The following PDE2A variants were observed in gnomAD, a reference collection of about 807,000 sequenced individuals.
PDE2A encodes phosphodiesterase 2A.
In PDE2A, 53 loss-of-function variants were observed where a neutral mutation model predicts 133.6. The ratio of observed to expected loss-of-function variants is 0.40; its 90% CI spans 0.32 to 0.50. PDE2A has a LOEUF of 0.50. Ranked by LOEUF, PDE2A falls within the 20% of genes least tolerant of loss-of-function variation. PDE2A has a pLI of 0.73. For synonymous variants in PDE2A, 491 were observed against 490.2 expected (o/e 1.00, Z -0.02); for missense variants, 796 against 1,232.4 (o/e 0.65, Z 5.30).
chr11:72,611,569 T>G (rs1204462590), intron 2 of PDE2A, among the ~76,000 whole-genome samples: 1 of 152,162 alleles, frequency 6.6e-6, no homozygotes, highest in Non-Finnish European at 1.5e-5. Context: ...TGCAGGATAG[T>G]AGCAATAAGG....
intron 16 of PDE2A, 45 bp from the exon 17 acceptor site, chr11:72,584,989 C>G: frequency 6.3e-7 from 1 of 1,584,528 alleles, no homozygotes; most frequent in Non-Finnish European, 8.7e-7. Context: ...ACAACCCCCT[C>G]TGATCGCCCT....
intron 3 of PDE2A, among the ~76,000 whole-genome samples, chr11:72,606,030 T>C (rs1332628828): frequency 6.6e-6 from 1 of 151,932 alleles, no homozygotes; most frequent in African/African-American, 2.4e-5. Flanking sequence ...AGATTTGTAT[T>C]TTGGACCGAT....
chr11:72,622,531 T>G (rs1405618646), intron 2 of PDE2A, among the ~76,000 whole-genome samples: 1 of 152,236 alleles, frequency 6.6e-6, no homozygotes, highest in Non-Finnish European at 1.5e-5. Context: ...GGAAATCCTG[T>G]CACATGCTAC....
intron 6 of PDE2A, among the ~76,000 whole-genome samples, chr11:72,595,992 C>T (rs921334345): frequency 1.3e-5 from 2 of 152,106 alleles, no homozygotes; most frequent in Non-Finnish European, 1.5e-5. Flanking sequence ...CTCCAGAAAG[C>T]CCCCCTAGCT....
At chr11:72,673,139 C>T (rs921030397) in intron 1 of PDE2A, among the ~76,000 whole-genome samples, 3 of 152,122 alleles carry the variant, frequency 2.0e-5, no homozygotes, top group African/African-American at 7.2e-5. Flanking sequence ...CATAAATGCA[C>T]ATGGAACAGA....
At chr11:72,642,398 C>A in intron 1 of PDE2A, 72 bp from the exon 2 acceptor site, 2 of 1,288,850 alleles carry the variant, frequency 1.6e-6, no homozygotes, top group Non-Finnish European at 9.9e-7. Flanking sequence ...CCCGCCCGCC[C>A]GCCGGCCCGG....
chr11:72,634,483 G>T (rs908543559), intron 2 of PDE2A, among the ~76,000 whole-genome samples: 4 of 152,232 alleles, frequency 2.6e-5, no homozygotes, highest in African/African-American at 9.6e-5. Context: ...GCCCCGTTGT[G>T]CTGTGTGACC....
In PDE2A at chr11:72,578,423, C is replaced by T. The variant is rs1855561498; in HGVS notation, c.2508+53G>A. ...AGGCTAGTTCAAGCCCTCCCTGTCCCAGGCCAGGAACCCTCCCCCATCCTG... is the reference window on the plus strand; with the variant it reads ...AGGCTAGTTCAAGCCCTCCCTGTCCTAGGCCAGGAACCCTCCCCCATCCTG... On this transcript the variant is annotated intron_variant, in intron 29 of 30. Coordinates refer to ENST00000334456, the MANE Select transcript of PDE2A (RefSeq NM_002599.5). The surrounding 1 kb of genome is among the most constrained non-coding windows in gnomAD (Gnocchi z 4.2). The T allele has an allele frequency of 1.9e-6, 3 of 1,585,040 alleles. No individual in the cohort carries two copies. The highest frequency in any genetic ancestry group is 1.1e-5 in the South Asian group (1 of 90,518).
At chr11:72,609,220 G>C (rs1194133213) in intron 2 of PDE2A, among the ~76,000 whole-genome samples, 3 of 152,202 alleles carry the variant, frequency 2.0e-5, no homozygotes, top group Admixed American at 1.3e-4. Context: ...GAAGCAGCTG[G>C]GGCTATTGCC....
chr11:72,613,638 G>A (rs577695351), intron 2 of PDE2A, among the ~76,000 whole-genome samples: 5 of 151,868 alleles, frequency 3.3e-5, no homozygotes, highest in South Asian at 4.2e-4. Context: ...TCTCTCTCCT[G>A]CATACTTCCT....
intron 20 of PDE2A, among the ~76,000 whole-genome samples, chr11:72,583,018 C>A (rs1337759927): frequency 1.3e-5 from 2 of 152,210 alleles, no homozygotes; most frequent in East Asian, 3.8e-4. Flanking sequence ...ATACATGGAA[C>A]TAAGCCAGCT....
At chr11:72,665,925 G>A (rs1311696828) in intron 1 of PDE2A, among the ~76,000 whole-genome samples, 2 of 149,434 alleles carry the variant, frequency 1.3e-5, no homozygotes, top group Admixed American at 6.7e-5. Flanking sequence ...AAAAAAACAC[G>A]AAAAAAAAAG....
chr11:72,589,641 C>T, intron 11 of PDE2A, 110 bp downstream of exon 11: 1 of 907,092 alleles, frequency 1.1e-6, no homozygotes. Context: ...ATAATTCCAT[C>T]GGATTCCAAG....
chr11:72,619,051 CG>C (rs1857618253), intron 2 of PDE2A, among the ~76,000 whole-genome samples: 2 of 144,388 alleles, frequency 1.4e-5, no homozygotes, highest in African/African-American at 5.2e-5. Context: ...ACACAGCGTG[CG>C]CACACACACA....
At position 72,589,240 on chromosome 11, in the gene PDE2A, A is replaced by G. The variant is rs1412426034; in HGVS notation, c.874T>C (p.Leu292=). 2.5e-6 allele frequency: 4 copies of G among 1,612,830 alleles called. No individual in the cohort carries two copies. The South Asian group carries it at 3.3e-5, about 13-fold the overall frequency. ...ACCACCTGGCCCAGGCATCCTGTCA[A>G]CTAGGGGGTGAGGAGAGACTGAGTC... The part of the protein sequence containing the change: ...KVLGEEVSFP[L]TGCLGQVVED... The change falls in exon 12 of 31, where the codon TTG becomes CTG. Residue 292 remains leucine, a splice_region_variant and synonymous_variant. Transcript: ENST00000334456.
intron 1 of PDE2A, among the ~76,000 whole-genome samples, chr11:72,666,072 C>T (rs1855225590): frequency 6.6e-6 from 1 of 152,284 alleles, no homozygotes; most frequent in African/African-American, 2.4e-5. Context: ...AGGAATCTCA[C>T]AGCATGCAGA....
intron 23 of PDE2A, 123 bp downstream of exon 23, chr11:72,581,234 C>T: frequency 9.7e-7 from 1 of 1,026,212 alleles, no homozygotes; most frequent in Non-Finnish European, 1.5e-6. Flanking sequence ...CCTCTAGTCC[C>T]CTGGGGCTAA....
At chr11:72,650,424 A>G (rs1854699584) in intron 1 of PDE2A, among the ~76,000 whole-genome samples, 1 of 151,962 alleles carries the variant, frequency 6.6e-6, no homozygotes, top group Non-Finnish European at 1.5e-5. Context: ...TCTCCCACCC[A>G]CAGAGCCCTT....
chr11:72,645,158 T>C (rs1859099209), intron 1 of PDE2A, among the ~76,000 whole-genome samples: 1 of 152,234 alleles, frequency 6.6e-6, no homozygotes, highest in South Asian at 2.1e-4. Flanking sequence ...AGAGTCTTTC[T>C]GTGTCAACCT....
Sources: gnomAD v4.1 joint callset for allele counts (sites outside exome capture counted in the v4.1 genomes callset) on GRCh38, gnomAD v4.1.1 for gene constraint, Gnocchi (gnomAD v3.1) non-coding constraint, MANE v1.5 for transcripts, NCBI Gene and HGNC (gene_info 2026-07-23, HGNC 2026-07-21) for gene names.